The following SMN1 variants were observed in gnomAD, a reference collection of about 807,000 sequenced individuals.
SMN1 encodes survival motor neuron protein.
For missense variants in SMN1, 15 were observed against 17.1 expected, an observed-to-expected ratio of 0.88 and a Z score of 0.22; for synonymous variants, 3 against 5.1, an observed-to-expected ratio of 0.58 and a Z score of 0.56.
At chr5:70,943,785 TA>T (rs1749465190) in intron 5 of SMN1, among the ~76,000 whole-genome samples, 1 of 144,390 alleles carries the variant, frequency 6.9e-6, no homozygotes, top group Non-Finnish European at 1.6e-5. Flanking sequence ...GAATGGTATT[TA>T]GGCAATTTTT....
the SMN1 span, among the ~76,000 whole-genome samples, chr5:70,963,366 TAAA>T: frequency 2.9e-5 from 1 of 34,954 alleles, no homozygotes; most frequent in Non-Finnish European, 7.9e-5. Flanking sequence ...GGGTCATGGT[TAAA>T]AAAAAAGCTT....
chr5:70,955,823 ATTACCC>A (rs1364199476), downstream of SMN1, among the ~76,000 whole-genome samples: 1 of 140,304 alleles, frequency 7.1e-6, no homozygotes, highest in African/African-American at 2.7e-5. Context: ...ATATATCATC[ATTACCC>A]TTTTTGAACT....
chr5:70,952,227 T>G (rs987923276), intron 8 of SMN1: 3 of 1,492,516 alleles, frequency 2.0e-6, no homozygotes, highest in East Asian at 2.5e-5. Flanking sequence ...GAAACATACT[T>G]TCACAATAAA....
chr5:70,951,476 T>A (rs936470046), intron 7 of SMN1, among the ~76,000 whole-genome samples: 1 of 151,786 alleles, frequency 6.6e-6, no homozygotes, highest in Non-Finnish European at 1.5e-5. Flanking sequence ...GGTTTTGCCA[T>A]GTTGGCCAGG....
intron 8 of SMN1, 177 bp from the exon 9 acceptor site, chr5:70,952,262 T>C: frequency 6.9e-7 from 1 of 1,455,748 alleles, no homozygotes; most frequent in Middle Eastern, 2.6e-4. Context: ...GATGCCATTT[T>C]ATATCACTAG....
chr5:70,952,269 C>T, intron 8 of SMN1, 170 bp from the exon 9 acceptor site: 1 of 1,441,442 alleles, frequency 6.9e-7, no homozygotes, highest in Non-Finnish European at 9.1e-7. Flanking sequence ...TTTTATATCA[C>T]TAGTAGGCAG....
chr5:70,952,287 G>C, intron 8 of SMN1, 152 bp from the exon 9 acceptor site: 3 of 1,396,078 alleles, frequency 2.1e-6, no homozygotes, highest in Non-Finnish European at 2.8e-6. Context: ...CAGACCAGCA[G>C]ACTTTTTTTT....
intron 5 of SMN1, among the ~76,000 whole-genome samples, chr5:70,943,744 T>C (rs1328148173): frequency 7.2e-6 from 1 of 138,236 alleles, no homozygotes. Context: ...TCTAGTTCTT[T>C]TGTGTAAAGC....
At position 70,944,693 on chromosome 5, in the gene SMN1, GCCA is replaced by G. The variant is rs1215894449; in HGVS notation, c.675_677del (p.Pro226del). The G allele has an allele frequency of 2.8e-5, 3 of 108,700 alleles. No individual in the cohort carries two copies. The highest frequency in any genetic ancestry group is 1.0e-4 in the South Asian group (2 of 19,374). The allele number at this position is 108,700 out of a possible 1,614,324, so 6.7% of individuals were successfully genotyped here. A position where few individuals can be genotyped will look rare whatever the true frequency, so the allele number is the denominator to read the frequency against. On this transcript the variant is annotated inframe_deletion, in exon 6 of 9. Coordinates refer to ENST00000380707, the MANE Select transcript of SMN1 (RefSeq NM_000344.4). The stretch of plus-strand genomic sequence containing the variant: ...AATTCAATGGCCCACCACCGCCACC[GCCA>G]CCACCACCACCCCACTTACTATCAT...
rs1325509362 is a variant in SMN1, at chr5:70,945,595, G to A, written c.724-471G>A. The stretch of plus-strand genomic sequence containing the variant: ...GCTGTGTGTGTGTGTGTGTGTGTGT[G>A]TGTGTATTAAGGAAAAGCATGAAAG... On this transcript the variant is annotated intron_variant, in intron 6 of 8. Coordinates refer to ENST00000380707, the MANE Select transcript of SMN1 (RefSeq NM_000344.4). 1.9e-4 allele frequency among the ~76,000 whole-genome samples: 21 copies of A among 111,080 alleles called. 8 individuals are homozygous for A. Among genetic ancestry groups the A allele is most frequent in the African/African-American group, 8.9e-4 (21 of 23,526 alleles). The allele number at this position is 111,080 out of a possible 152,430, so 72.9% of individuals were successfully genotyped here.
the SMN1 span, among the ~76,000 whole-genome samples, chr5:70,959,245 G>T: frequency 6.0e-5 from 9 of 149,160 alleles, no homozygotes; most frequent in South Asian, 2.2e-4. Context: ...ATCACACTCT[G>T]GGGACTGTTG....
chr5:70,960,355 A>G, the SMN1 span, among the ~76,000 whole-genome samples: 1 of 149,130 alleles, frequency 6.7e-6, no homozygotes, highest in Non-Finnish European at 1.5e-5. Flanking sequence ...ATGGTTTTTC[A>G]TGGACATACA....
chr5:70,952,232 A>G (rs1474289128), intron 8 of SMN1: 1 of 1,489,668 alleles, frequency 6.7e-7, no homozygotes, highest in Non-Finnish European at 8.9e-7. Context: ...ATACTTTCAC[A>G]ATAAAGAGCT....
chr5:70,955,477 T>C (rs1486616562), downstream of SMN1, among the ~76,000 whole-genome samples: 1 of 142,518 alleles, frequency 7.0e-6, no homozygotes, highest in Non-Finnish European at 1.5e-5. Context: ...ATTGTGAATT[T>C]TTAAAAAACA....
chr5:70,927,685 G>A lies in SMN1; in HGVS notation c.81+2501G>A, dbSNP rs1454438869. Among the ~76,000 whole-genome samples, 18 of 14,016 alleles carry A rather than the reference G, an allele frequency of 1.3e-3. 2 individuals are homozygous for A. The highest frequency in any genetic ancestry group is 8.4e-3 in the African/African-American group (18 of 2,136). The allele number at this position is 14,016 out of a possible 152,430, so 9.2% of individuals were successfully genotyped here. On this transcript the variant is annotated intron_variant, in intron 1 of 8. Transcript: ENST00000380707. ...GTTTAAAAAGTGGGAGGATCGGCCGGGCGCTGTGGCTGACACCTGTAATCC... is the reference window on the plus strand; with the variant it reads ...GTTTAAAAAGTGGGAGGATCGGCCGAGCGCTGTGGCTGACACCTGTAATCC...
the SMN1 span, among the ~76,000 whole-genome samples, chr5:70,960,058 C>A: frequency 2.7e-5 from 4 of 147,780 alleles, no homozygotes; most frequent in African/African-American, 9.9e-5. Context: ...ATTTATCAAA[C>A]CTTTGAATCT....
At chr5:70,959,330 A>G in the SMN1 span, among the ~76,000 whole-genome samples, 2 of 150,034 alleles carry the variant, frequency 1.3e-5, no homozygotes, top group Admixed American at 1.3e-4. Flanking sequence ...TGGGTGCAGC[A>G]CACCAGCATG....
intron 7 of SMN1, among the ~76,000 whole-genome samples, chr5:70,950,985 G>A (rs1397355573): frequency 6.6e-6 from 1 of 151,918 alleles, no homozygotes; most frequent in Non-Finnish European, 1.5e-5. Flanking sequence ...TGTTGGTCAG[G>A]CTGTTCTCCA....
downstream of SMN1, among the ~76,000 whole-genome samples, chr5:70,958,605 T>A (rs1212207147): frequency 1.2e-4 from 12 of 103,654 alleles, no homozygotes; most frequent in African/African-American, 4.1e-4. Context: ...TTGTTCAGTT[T>A]CCATGTAGTT....
Sources: allele counts gnomAD v4.1 joint callset (sites outside exome capture counted in the v4.1 genomes callset), GRCh38; gene constraint gnomAD v4.1.1; transcripts MANE v1.5; gene names NCBI Gene and HGNC (gene_info 2026-07-23, HGNC 2026-07-21).